TULP4: variants seen among roughly 807,000 people sequenced by gnomAD.
TULP4 encodes the protein tubby-related protein 4.
TULP4 carries 16 observed loss-of-function variants against 129.0 expected under a neutral mutation model. The ratio of observed to expected loss-of-function variants is 0.12; its 90% confidence interval spans 0.08 to 0.19. The LOEUF (loss-of-function observed/expected upper bound fraction) is 0.19, where lower values mean the gene tolerates loss of function less well. TULP4 is among the 10% of genes least tolerant of loss of function. The pLI is 1.00. For missense variants in TULP4, 1,842 were observed against 2,059.1 expected (o/e 0.89, Z 2.04); for synonymous variants, 998 against 854.0 (o/e 1.17, Z -2.94).
At chr6:158,274,663 G>C (rs2128463456) in intron 1 of TULP4, among the ~76,000 whole-genome samples, 1 of 152,300 alleles carries the variant, frequency 6.6e-6, no homozygotes, top group South Asian at 2.1e-4. Context: ...TGTAGTCCCA[G>C]CTACTCGGGA....
In TULP4 at chr6:158,502,039, C is replaced by G; in HGVS notation, c.2376C>G (p.Asp792Glu). ...PMQLSTVGHG[D>E]RDHEHLQKSA... ...AGCTGTCCACGGTGGGCCATGGAGACCGAGACCACGAACACCTGCAGAAGT... is the reference window on the plus strand; with the variant it reads ...AGCTGTCCACGGTGGGCCATGGAGAGCGAGACCACGAACACCTGCAGAAGT... The change falls in exon 13 of 14, where the codon GAC becomes GAG. Residue 792 changes from aspartate (D) to glutamate (E), a missense_variant. Asp to Glu is a conservative substitution (Grantham distance 45). This residue lies in a region of TULP4 where 1,089 missense variants were observed against 987.1 expected (regional missense o/e 1.10). Transcript: ENST00000367097. 1.2e-6 allele frequency: 2 copies of G among 1,613,646 alleles called. No individual in the cohort carries two copies. Among genetic ancestry groups the G allele is most frequent in the Non-Finnish European group, 1.7e-6 (2 of 1,179,870 alleles).
intron 1 of TULP4, among the ~76,000 whole-genome samples, chr6:158,234,434 A>G (rs554397248): frequency 2.0e-5 from 3 of 152,238 alleles, no homozygotes; most frequent in South Asian, 4.1e-4. Flanking sequence ...TTTCTTTTTG[A>G]TTTTGCTATA....
At position 158,502,057 on chromosome 6, in the gene TULP4, G is replaced by T; in HGVS notation, c.2394G>T (p.Leu798=). 1 of 1,613,380 alleles carries T rather than the reference G, an allele frequency of 6.2e-7. No homozygotes were observed. The highest frequency in any genetic ancestry group is 8.5e-7 in the Non-Finnish European group (1 of 1,179,710). The stretch of plus-strand genomic sequence containing the variant: ...ATGGAGACCGAGACCACGAACACCT[G>T]CAGAAGTCAGCCAAGGCCCTGCGGC... The part of the protein sequence containing the change: ...VGHGDRDHEH[L]QKSAKALRPT... The change falls in exon 13 of 14, where the codon CTG becomes CTT. Residue 798 remains leucine, a synonymous_variant. Coordinates refer to ENST00000367097, the MANE Select transcript of TULP4 (RefSeq NM_020245.5).
chr6:158,359,259 G>C (rs1437574070), intron 1 of TULP4, among the ~76,000 whole-genome samples: 1 of 152,090 alleles, frequency 6.6e-6, no homozygotes, highest in African/African-American at 2.4e-5. Context: ...AAAAAAAATC[G>C]TTCTTTGCCA....
chr6:158,463,158 A>G (rs1187852998), intron 6 of TULP4, among the ~76,000 whole-genome samples: 1 of 152,090 alleles, frequency 6.6e-6, no homozygotes, highest in Non-Finnish European at 1.5e-5. Context: ...AGTCTCCTAC[A>G]GTCATATTTG....
At chr6:158,327,872 A>G (rs1057017403) in intron 1 of TULP4, among the ~76,000 whole-genome samples, 2 of 152,040 alleles carry the variant, frequency 1.3e-5, no homozygotes, top group African/African-American at 4.8e-5. Flanking sequence ...TCTCTTTGGC[A>G]TCTTTTGTGT....
chr6:158,505,553 G>A (rs1780581091), intron 13 of TULP4, among the ~76,000 whole-genome samples: 1 of 152,250 alleles, frequency 6.6e-6, no homozygotes, highest in Admixed American at 6.5e-5. Context: ...CCCTGCTATA[G>A]TGCTAGGATC....
At chr6:158,476,601 C>T (rs1452194159) in intron 6 of TULP4, among the ~76,000 whole-genome samples, 2 of 152,200 alleles carry the variant, frequency 1.3e-5, no homozygotes, top group Non-Finnish European at 2.9e-5. Context: ...ATGCTACCTG[C>T]CTAATTACCT....
At chr6:158,465,184 G>T (rs1479115766) in intron 6 of TULP4, among the ~76,000 whole-genome samples, 1 of 152,172 alleles carries the variant, frequency 6.6e-6, no homozygotes, top group Non-Finnish European at 1.5e-5. Context: ...ACTCCTTTGG[G>T]ATCCCCTTGG....
At chr6:158,300,548 C>T (rs1779114231) in intron 1 of TULP4, among the ~76,000 whole-genome samples, 2 of 152,156 alleles carry the variant, frequency 1.3e-5, no homozygotes, top group Non-Finnish European at 2.9e-5. Flanking sequence ...CCCATTGTTG[C>T]ATAAATAAAT....
chr6:158,256,317 A>G (rs1310976330), intron 1 of TULP4, among the ~76,000 whole-genome samples: 1 of 152,192 alleles, frequency 6.6e-6, no homozygotes, highest in African/African-American at 2.4e-5. Context: ...GTATGTATAT[A>G]TATAACTTCT....
chr6:158,257,506 T>C (rs758981164), intron 1 of TULP4, among the ~76,000 whole-genome samples: 8 of 152,240 alleles, frequency 5.3e-5, no homozygotes, highest in South Asian at 4.1e-4. Context: ...GCAGCCGCCA[T>C]GGTGTGTCAT....
chr6:158,314,969 A>C (rs1355219491), intron 1 of TULP4, among the ~76,000 whole-genome samples: 1 of 152,250 alleles, frequency 6.6e-6, no homozygotes, highest in Non-Finnish European at 1.5e-5. Context: ...TGTTTTAAAG[A>C]AGAGCGTGAT....
intron 9 of TULP4, among the ~76,000 whole-genome samples, chr6:158,490,267 G>T (rs1490177238): frequency 3.3e-5 from 5 of 152,118 alleles, no homozygotes; most frequent in Non-Finnish European, 5.9e-5. Context: ...GTGGTGGCGG[G>T]TGCCTGTAGT....
At chr6:158,269,309 C>T (rs1179179375) in intron 1 of TULP4, among the ~76,000 whole-genome samples, 2 of 150,540 alleles carry the variant, frequency 1.3e-5, no homozygotes, top group Non-Finnish European at 2.9e-5. Context: ...CAGAACTAAG[C>T]TATGTCACTA....
chr6:158,503,366 C>T lies in TULP4; in HGVS notation c.3703C>T (p.Leu1235Phe). 1.2e-6 allele frequency: 2 copies of T among 1,613,910 alleles called. No individual in the cohort carries two copies. The highest frequency in any genetic ancestry group is 1.1e-5 in the South Asian group (1 of 91,074). The change falls in exon 13 of 14, where the codon CTC (leucine) becomes TTC (phenylalanine). Residue 1235 changes from leucine to phenylalanine, a missense_variant. Leu to Phe is a conservative substitution (Grantham distance 22). Around this residue, in one of 5 missense-constraint regions of TULP4, gnomAD observed 1,089 missense variants for 987.1 expected, o/e 1.10. Transcript: ENST00000367097. This position sits in a 1 kb window ranked among gnomAD's most constrained non-coding sequence, Gnocchi z 4.3. ...VVLQPLYPPS[L>F]SYCTLPPMYP... Reference sequence around the variant, plus strand: ...CCTTCAGCCGCTGTACCCACCCAGCCTCTCCTATTGCACCCTGCCCCCCAT... The same window carrying T: ...CCTTCAGCCGCTGTACCCACCCAGCTTCTCCTATTGCACCCTGCCCCCCAT...
chr6:158,327,738 G>T (rs1779777921), intron 1 of TULP4, among the ~76,000 whole-genome samples: 1 of 151,856 alleles, frequency 6.6e-6, no homozygotes, highest in Non-Finnish European at 1.5e-5. Context: ...GTGTGTGAGT[G>T]TGTATAGGGG....
chr6:158,437,412 C>T (rs1778775832), intron 3 of TULP4, among the ~76,000 whole-genome samples: 1 of 151,976 alleles, frequency 6.6e-6, no homozygotes, highest in Non-Finnish European at 1.5e-5. Flanking sequence ...AAATTAAAAA[C>T]CAGCCAGGTG....
At chr6:158,333,734 G>A (rs187132563) in intron 1 of TULP4, among the ~76,000 whole-genome samples, 48 of 152,046 alleles carry the variant, frequency 3.2e-4, no homozygotes, top group East Asian at 5.8e-4. Flanking sequence ...TTAAGAAAAC[G>A]TGTCATGAAT....
Sources: allele counts gnomAD v4.1 joint callset (sites outside exome capture counted in the v4.1 genomes callset), GRCh38; gene constraint gnomAD v4.1.1; regional missense constraint gnomAD v4.1.1; non-coding constraint Gnocchi (gnomAD v3.1); transcripts MANE v1.5; gene names NCBI Gene and HGNC (gene_info 2026-07-23, HGNC 2026-07-21).